The following THOC7 variants were observed in gnomAD, a reference collection of about 807,000 sequenced individuals.
THOC7 encodes THO complex subunit 7, also known as NIF3L1-binding protein 1.
Under a neutral mutation model 33.1 loss-of-function variants are expected in THOC7, and 22 were observed. The ratio of observed to expected loss-of-function variants is 0.66; its 90% confidence interval spans 0.47 to 0.95. The LOEUF is 0.95. THOC7 is among the 40% of genes least tolerant of loss of function. THOC7 has a pLI of 0.00. For synonymous variants in THOC7, 77 were observed against 76.8 expected (o/e 1.00, Z -0.01); for missense variants, 184 against 245.3 (o/e 0.75, Z 1.67).
intron 1 of THOC7, among the ~76,000 whole-genome samples, chr3:63,855,148 T>C (rs555820480): frequency 6.6e-5 from 10 of 152,212 alleles, no homozygotes; most frequent in Non-Finnish European, 1.3e-4. Context: ...AAATGCCTCA[T>C]ATCCAATATG....
chr3:63,843,139 G>A (rs1049876910), intron 1 of THOC7, among the ~76,000 whole-genome samples: 2 of 150,762 alleles, frequency 1.3e-5, no homozygotes, highest in African/African-American at 4.9e-5. Context: ...TTTGTTTGGA[G>A]ACAGAGTCTC....
intron 1 of THOC7, among the ~76,000 whole-genome samples, chr3:63,851,735 T>C (rs373992639): frequency 2.0e-5 from 3 of 152,226 alleles, no homozygotes; most frequent in Non-Finnish European, 1.5e-5. Context: ...ATGACTAATA[T>C]GCTGTCTGTT....
At position 63,863,787 on chromosome 3, in the gene THOC7, C is replaced by G; in HGVS notation, c.4G>C (p.Gly2Arg). The change falls in exon 1 of 8, where the codon GGA becomes CGA. Residue 2 changes from glycine to arginine, a missense_variant. Coordinates refer to ENST00000295899, the MANE Select transcript of THOC7 (RefSeq NM_025075.4). Reference sequence around the variant, plus strand: ...GGGGCCTCACCGTCAGTCACGGCTCCCATGGCGTGCGCGGCGGCGGCGGCG... The same window carrying G: ...GGGGCCTCACCGTCAGTCACGGCTCGCATGGCGTGCGCGGCGGCGGCGGCG... M[G>R]AVTDDEVIRK... is the part of the protein sequence containing the mutation. 1 of 1,252,002 alleles carries G rather than the reference C, an allele frequency of 8.0e-7. No homozygotes were observed. Among genetic ancestry groups the G allele is most frequent in the Non-Finnish European group, 9.9e-7 (1 of 1,006,790 alleles). 77.6% of individuals were successfully genotyped at this position (1,252,002 alleles called of 1,614,324 possible). A position where few individuals can be genotyped will look rare whatever the true frequency, so the allele number is the denominator to read the frequency against.
chr3:63,841,871 G>A (rs923405862), intron 1 of THOC7, among the ~76,000 whole-genome samples: 2 of 152,066 alleles, frequency 1.3e-5, no homozygotes, highest in Non-Finnish European at 2.9e-5. Flanking sequence ...TGGCACTGAT[G>A]GTATTCAACA....
intron 1 of THOC7, among the ~76,000 whole-genome samples, chr3:63,846,403 A>G: frequency 6.6e-6 from 1 of 152,152 alleles, no homozygotes; most frequent in South Asian, 2.1e-4. Context: ...GTAACTTATT[A>G]TTTAAAAATT....
At chr3:63,862,054 G>C (rs1193893462) in intron 1 of THOC7, among the ~76,000 whole-genome samples, 1 of 152,158 alleles carries the variant, frequency 6.6e-6, no homozygotes, top group Non-Finnish European at 1.5e-5. Flanking sequence ...GCCTCCCAAA[G>C]TGTTGGGATT....
At chr3:63,839,410 C>A (rs1701706972) in intron 2 of THOC7, among the ~76,000 whole-genome samples, 1 of 152,052 alleles carries the variant, frequency 6.6e-6, no homozygotes, top group African/African-American at 2.4e-5. Flanking sequence ...TAAAAGTAAC[C>A]AAACTAATGA....
upstream of THOC7, chr3:63,863,935 TGAGCC>T (rs1559612641): frequency 2.8e-5 from 12 of 430,284 alleles, no homozygotes; most frequent in East Asian, 2.2e-4. Flanking sequence ...CTCCGACGCC[TGAGCC>T]GCGCCGCGCC....
chr3:63,838,053 A>G lies in THOC7; in HGVS notation c.275T>C (p.Ile92Thr), dbSNP rs754635409. The G allele has an allele frequency of 6.2e-7, 1 of 1,607,192 alleles. No homozygotes were observed. Among genetic ancestry groups the G allele is most frequent in the South Asian group, 1.1e-5 (1 of 89,670 alleles). The change falls in exon 4 of 8, where the codon ATA becomes ACA. Residue 92 changes from isoleucine (I) to threonine (T), a missense_variant. Transcript: ENST00000295899. ...EKIYKEIECS[I>T]AGAHEKIAEC... ...AGCAATTTTTTCATGTGCTCCAGCT[A>G]TGCTACATTCTATATGAGAAGGTTT... is the stretch of plus-strand genomic sequence containing the variant.
chr3:63,863,517 G>C, intron 1 of THOC7: 1 of 1,188,522 alleles, frequency 8.4e-7, no homozygotes, highest in Non-Finnish European at 1.0e-6. Context: ...ATAGCCCCGC[G>C]CTGCCTCCGG....
intron 2 of THOC7, 97 bp from the exon 3 acceptor site, chr3:63,838,596 C>T (rs1324278182): frequency 4.1e-6 from 5 of 1,224,460 alleles, no homozygotes; most frequent in Admixed American, 2.7e-5. Flanking sequence ...TAAATTATAG[C>T]AAGTTCTGAG....
Position 63,853,126 on chromosome 3 carries a change from G to A in THOC7, c.19+10646C>T, listed in dbSNP as rs554156685. On this transcript the variant is annotated intron_variant, in intron 1 of 7. Coordinates refer to ENST00000295899, the MANE Select transcript of THOC7 (RefSeq NM_025075.4). ...AGATCTCGCCACTGCACTCTAGCCC[G>A]GGTGGCAGAATGAGACTCTGTCTCA... Among the ~76,000 whole-genome samples, 192 of 150,880 alleles carry A rather than the reference G, an allele frequency of 1.3e-3. 3 individuals carry two copies. The highest frequency in any genetic ancestry group is 8.7e-3 in the Admixed American group (131 of 15,100).
intron 1 of THOC7, among the ~76,000 whole-genome samples, chr3:63,860,199 C>G (rs546110987): frequency 2.6e-5 from 4 of 151,784 alleles, no homozygotes; most frequent in South Asian, 4.2e-4. Context: ...CCACCACACA[C>G]GCCTGGCTAA....
chr3:63,835,981 T>C (rs1183152818), intron 5 of THOC7, among the ~76,000 whole-genome samples: 1 of 152,052 alleles, frequency 6.6e-6, no homozygotes, highest in African/African-American at 2.4e-5. Context: ...TTTCACTGAT[T>C]ATGTTTTGAG....
chr3:63,862,620 A>T (rs1366303480), intron 1 of THOC7, among the ~76,000 whole-genome samples: 3 of 152,138 alleles, frequency 2.0e-5, no homozygotes, highest in Non-Finnish European at 4.4e-5. Flanking sequence ...ACTACTCTTT[A>T]TCAGTCTGGA....
intron 1 of THOC7, chr3:63,854,638 C>T (rs1327897921): frequency 6.6e-6 from 1 of 152,146 alleles, no homozygotes; most frequent in Non-Finnish European, 1.5e-5. Context: ...TTCCACCTGG[C>T]TTTAGGCTTG....
chr3:63,834,693 G>A (rs1209265835), intron 7 of THOC7, among the ~76,000 whole-genome samples: 1 of 151,504 alleles, frequency 6.6e-6, no homozygotes, highest in Non-Finnish European at 1.5e-5. Flanking sequence ...ATGGGTCTTA[G>A]GCTATTCTTT....
Position 63,835,042 on chromosome 3 carries a change from G to T in THOC7, c.547+112C>A, listed in dbSNP as rs1701600823. 26 of 1,045,192 alleles carry T rather than the reference G, an allele frequency of 2.5e-5. No homozygotes were observed. In the South Asian group the frequency reaches 4.0e-4, roughly 16 times the overall value. 64.7% of individuals were successfully genotyped at this position (1,045,192 alleles called of 1,614,324 possible). A position where few individuals can be genotyped will look rare whatever the true frequency, so the allele number is the denominator to read the frequency against. On this transcript the variant is annotated intron_variant, in intron 7 of 7. Transcript: ENST00000295899. Reference sequence around the variant, plus strand: ...CCTTCTAACGTCATCCAGCTACACTGTTCAGAAATTGAAGGTATACTGTCT... The same window carrying T: ...CCTTCTAACGTCATCCAGCTACACTTTTCAGAAATTGAAGGTATACTGTCT...
intron 1 of THOC7, 104 bp downstream of exon 1, chr3:63,863,667 CG>C: frequency 1.6e-6 from 2 of 1,228,696 alleles, no homozygotes; most frequent in South Asian, 3.7e-5. Context: ...GCGAAGAGGC[CG>C]GGGAGGCCGA....
Sources: gnomAD v4.1 joint callset for allele counts (sites outside exome capture counted in the v4.1 genomes callset) on GRCh38, gnomAD v4.1.1 for gene constraint, MANE v1.5 for transcripts, NCBI Gene and HGNC (gene_info 2026-07-23, HGNC 2026-07-21) for gene names.